Variants in TDRD3 observed in about 807,000 individuals in gnomAD.
The protein encoded by TDRD3 is tudor domain-containing protein 3.
TDRD3 carries 45 observed loss-of-function variants against 86.7 expected under a neutral mutation model. The ratio of observed to expected loss-of-function variants is 0.52; its 90% CI spans 0.41 to 0.67. The LOEUF is 0.67. TDRD3 is among the 30% of genes least tolerant of loss of function. The pLI, the probability that TDRD3 is intolerant of heterozygous loss-of-function variation, is 0.00. For missense variants in TDRD3, 814 were observed against 889.0 expected, an observed-to-expected ratio of 0.92 and a Z score of 1.07; for synonymous variants, 298 against 301.7, an observed-to-expected ratio of 0.99 and a Z score of 0.13.
chr13:60,481,561 G>T (rs1458893830), intron 5 of TDRD3, among the ~76,000 whole-genome samples: 2 of 151,640 alleles, frequency 1.3e-5, no homozygotes, highest in East Asian at 3.9e-4. Flanking sequence ...AGTTTTCATT[G>T]TTGGTGGTTT....
chr13:60,454,290 G>T lies in TDRD3; in HGVS notation c.193-6090G>T, dbSNP rs552178099. Among the ~76,000 whole-genome samples the T allele has an allele frequency of 1.2e-3, 188 of 152,108 alleles. 1 individual carries two copies. The highest frequency in any genetic ancestry group is 4.3e-3 in the African/African-American group (179 of 41,506). On this transcript the variant is annotated intron_variant, in intron 3 of 13. Coordinates refer to ENST00000377881, the MANE Select transcript of TDRD3 (RefSeq NM_001146070.2). ...TTGAGAAGATACTTGTTCCTATTGG[G>T]TTTAAAGTTTTGTATAAATTTTCTA...
intron 13 of TDRD3, among the ~76,000 whole-genome samples, chr13:60,573,085 C>T (rs952551516): frequency 3.3e-5 from 5 of 152,194 alleles, no homozygotes; most frequent in East Asian, 3.8e-4. Flanking sequence ...AGTCTTCTCT[C>T]GCCATTTATC....
At chr13:60,571,087 A>C (rs143827720) in intron 13 of TDRD3, among the ~76,000 whole-genome samples, 3 of 152,312 alleles carry the variant, frequency 2.0e-5, no homozygotes, top group Non-Finnish European at 4.4e-5. Flanking sequence ...GATTCCTGAC[A>C]TCAATAAAAA....
rs534352031 is a variant in TDRD3, at chr13:60,536,391, C to T, written c.2118+1158C>T. 4 of 152,130 alleles carry T rather than the reference C, an allele frequency of 2.6e-5. No individual in the cohort carries two copies. The South Asian group carries it at 8.3e-4, about 32-fold the overall frequency. The allele number at this position is 152,130 out of a possible 1,614,324, so 9.4% of individuals were successfully genotyped here. On this transcript the variant is annotated intron_variant, in intron 12 of 13. Transcript: ENST00000377881. ...TCCTCTAAACTTTAATTGCTCTTTG[C>T]CTAAAAACTCCAAATCATCAATATC...
At chr13:60,490,782 T>C (rs1041622827) in intron 7 of TDRD3, among the ~76,000 whole-genome samples, 2 of 151,752 alleles carry the variant, frequency 1.3e-5, no homozygotes, top group Admixed American at 1.3e-4. Context: ...GCCATTAGGG[T>C]TACTGAGATT....
At position 60,460,306 on chromosome 13, in the gene TDRD3, C is replaced by T. The variant is rs1010277886; in HGVS notation, c.193-74C>T. 1.8e-5 allele frequency: 23 copies of T among 1,309,168 alleles called. No individual in the cohort carries two copies. The South Asian group carries it at 3.3e-4, about 19-fold the overall frequency. 81.1% of individuals were successfully genotyped at this position (1,309,168 alleles called of 1,614,324 possible). On this transcript the variant is annotated intron_variant, in intron 3 of 13. Transcript: ENST00000377881. ...ATGACTATTAAGGAAAAGAGAAACA[C>T]TATAAATGAAAACACAGCCCTGAAT...
At chr13:60,488,944 C>G (rs1229940056) in intron 7 of TDRD3, among the ~76,000 whole-genome samples, 2 of 152,082 alleles carry the variant, frequency 1.3e-5, no homozygotes, top group African/African-American at 4.8e-5. Context: ...CTTATATATT[C>G]TAGATATTAA....
At chr13:60,489,839 A>G (rs1396219646) in intron 7 of TDRD3, among the ~76,000 whole-genome samples, 1 of 152,148 alleles carries the variant, frequency 6.6e-6, no homozygotes, top group Non-Finnish European at 1.5e-5. Flanking sequence ...GTTTCAGAAG[A>G]TATTGAGAAT....
At chr13:60,454,909 T>C (rs1955630540) in intron 3 of TDRD3, among the ~76,000 whole-genome samples, 1 of 152,018 alleles carries the variant, frequency 6.6e-6, no homozygotes, top group African/African-American at 2.4e-5. Context: ...CCTCTATTGA[T>C]TGATTGGTTG....
At chr13:60,446,125 C>G (rs1306729204) in intron 3 of TDRD3, among the ~76,000 whole-genome samples, 2 of 152,116 alleles carry the variant, frequency 1.3e-5, no homozygotes, top group African/African-American at 4.8e-5. Flanking sequence ...AATTTGATAT[C>G]TCTGCTTGCT....
intron 10 of TDRD3, among the ~76,000 whole-genome samples, chr13:60,524,501 C>G (rs150308473): frequency 0.019 from 2,278 of 120,636 alleles, 25 homozygotes; most frequent in Middle Eastern, 0.054. Flanking sequence ...AGTGAGGCTC[C>G]ATCTCAAAAA....
chr13:60,407,182 T>C (rs1467834757), intron 1 of TDRD3, among the ~76,000 whole-genome samples: 1 of 152,236 alleles, frequency 6.6e-6, no homozygotes, highest in Non-Finnish European at 1.5e-5. Flanking sequence ...GTTTGATTGA[T>C]GCCTTATGAC....
intron 1 of TDRD3, among the ~76,000 whole-genome samples, chr13:60,398,455 G>T (rs375119999): frequency 6.6e-6 from 1 of 152,194 alleles, no homozygotes; most frequent in African/African-American, 2.4e-5. Flanking sequence ...AGATGACACA[G>T]GGAAGCGCTT....
intron 10 of TDRD3, among the ~76,000 whole-genome samples, chr13:60,524,524 A>G (rs1957366239): frequency 6.6e-6 from 1 of 151,822 alleles, no homozygotes; most frequent in African/African-American, 2.4e-5. Context: ...AAAATAAATA[A>G]ATAAATAAAA....
At chr13:60,546,649 A>G (rs1288255068) in intron 12 of TDRD3, among the ~76,000 whole-genome samples, 2 of 152,170 alleles carry the variant, frequency 1.3e-5, no homozygotes, top group African/African-American at 4.8e-5. Context: ...GAACATGATT[A>G]AGATAGGAAA....
At chr13:60,433,409 G>A (rs1955002692) in intron 1 of TDRD3, among the ~76,000 whole-genome samples, 1 of 152,226 alleles carries the variant, frequency 6.6e-6, no homozygotes, top group East Asian at 1.9e-4. Context: ...ATACTTTTTA[G>A]TGTGATGTAA....
intron 4 of TDRD3, among the ~76,000 whole-genome samples, chr13:60,461,314 T>C (rs1594961320): frequency 6.6e-6 from 1 of 152,296 alleles, no homozygotes; most frequent in East Asian, 1.9e-4. Flanking sequence ...TCCTAGGAAA[T>C]CATTGGGAAT....
At chr13:60,398,088 T>C (rs992667365) in intron 1 of TDRD3, among the ~76,000 whole-genome samples, 1 of 152,166 alleles carries the variant, frequency 6.6e-6, no homozygotes, top group African/African-American at 2.4e-5. Flanking sequence ...GTGTCAAGAT[T>C]TTCAGGATTT....
Position 60,439,792 on chromosome 13 carries a change from T to G in TDRD3, c.126+20T>G, listed in dbSNP as rs1664481293. Reference sequence around the variant, plus strand: ...CTCAATGTAGGTTATATTTATTAACTTGTAAACATTTGAAATCTGGAAGCT... The same window carrying G: ...CTCAATGTAGGTTATATTTATTAACGTGTAAACATTTGAAATCTGGAAGCT... On this transcript the variant is annotated intron_variant, in intron 2 of 13. Transcript: ENST00000377881. The G allele has an allele frequency of 6.9e-7, 1 of 1,447,610 alleles. No homozygotes were observed. 89.7% of individuals were successfully genotyped at this position (1,447,610 alleles called of 1,614,324 possible). A position where few individuals can be genotyped will look rare whatever the true frequency, so the allele number is the denominator to read the frequency against.
Sources: gnomAD v4.1 joint callset for allele counts (sites outside exome capture counted in the v4.1 genomes callset) on GRCh38, gnomAD v4.1.1 for gene constraint, MANE v1.5 for transcripts, NCBI Gene and HGNC (gene_info 2026-07-23, HGNC 2026-07-21) for gene names.